PHF21A: variants seen among roughly 807,000 people sequenced by gnomAD.
The protein encoded by PHF21A is PHD finger protein 21A, also known as BHC80a.
A neutral mutation model predicts 82.5 loss-of-function variants in PHF21A; 11 were observed. The ratio of observed to expected loss-of-function variants is 0.13; its 90% CI spans 0.08 to 0.22. The LOEUF (loss-of-function observed/expected upper bound fraction) is 0.22, where lower values mean the gene tolerates loss of function less well. Among genes scored for constraint, PHF21A ranks in the 10% least tolerant of loss-of-function variants. PHF21A has a pLI of 1.00. For synonymous variants in PHF21A, 297 were observed against 302.8 expected (o/e 0.98, Z 0.20); for missense variants, 579 against 837.8 (o/e 0.69, Z 3.81).
At chr11:46,004,461 G>A (rs1306490466) in intron 6 of PHF21A, among the ~76,000 whole-genome samples, 1 of 152,176 alleles carries the variant, frequency 6.6e-6, no homozygotes, top group Non-Finnish European at 1.5e-5. Context: ...GTAGAGGAGA[G>A]AAGGAAGTCC....
intron 4 of PHF21A, among the ~76,000 whole-genome samples, chr11:46,081,057 G>A (rs140899666): frequency 3.5e-4 from 53 of 152,254 alleles, no homozygotes; most frequent in African/African-American, 1.1e-3. Context: ...TTAAAAAGAC[G>A]AGTGAATAGG....
chr11:46,085,035 C>T (rs1008227479), intron 3 of PHF21A, among the ~76,000 whole-genome samples: 1 of 151,880 alleles, frequency 6.6e-6, no homozygotes, highest in Non-Finnish European at 1.5e-5. Flanking sequence ...CAGGGTTTCT[C>T]GGAGGTTAAC....
intron 6 of PHF21A, among the ~76,000 whole-genome samples, chr11:46,033,523 C>T (rs1361844675): frequency 1.3e-5 from 2 of 152,154 alleles, no homozygotes; most frequent in Non-Finnish European, 2.9e-5. Flanking sequence ...CTCAGCCTCC[C>T]AAAGTGTTGG....
chr11:46,076,377 A>T (rs1278904985), intron 6 of PHF21A, among the ~76,000 whole-genome samples: 8 of 152,206 alleles, frequency 5.3e-5, no homozygotes, highest in Non-Finnish European at 1.0e-4. Context: ...CAGTAAGTTT[A>T]ATGTCAGCTC....
chr11:45,957,327 A>G (rs1215312783), intron 10 of PHF21A, among the ~76,000 whole-genome samples: 1 of 152,216 alleles, frequency 6.6e-6, no homozygotes, highest in African/African-American at 2.4e-5. Flanking sequence ...CAAGAGCAGC[A>G]TGCATATTTT....
intron 7 of PHF21A, 56 bp downstream of exon 7, chr11:45,979,704 C>A (rs2094197345): frequency 6.2e-7 from 1 of 1,611,428 alleles, no homozygotes; most frequent in South Asian, 1.1e-5. Context: ...TTCTATATGA[C>A]CAACAACAAA....
chr11:45,989,661 T>G (rs2094610964), intron 6 of PHF21A, among the ~76,000 whole-genome samples: 1 of 144,364 alleles, frequency 6.9e-6, no homozygotes, highest in Non-Finnish European at 1.5e-5. Context: ...AGAGTGAAAC[T>G]GTCTCAAAAT....
At chr11:45,995,253 A>G (rs371928393) in intron 6 of PHF21A, among the ~76,000 whole-genome samples, 9 of 152,286 alleles carry the variant, frequency 5.9e-5, no homozygotes, top group South Asian at 2.1e-4. Flanking sequence ...TTTGCCACTA[A>G]TCATAGGGGA....
At position 45,935,447 on chromosome 11, in the gene PHF21A, A is replaced by G. The variant is rs190269515; in HGVS notation, c.1788+189T>C. On this transcript the variant is annotated intron_variant, in intron 18 of 18. Coordinates refer to ENST00000676320, the MANE Select transcript of PHF21A (RefSeq NM_001352027.3). ...ACAGAGCTTGGGTAAGGCACCACCT[A>G]CCAACTGGCCGCCTGTACCTGAGGT... 24 of 646,554 alleles carry G rather than the reference A, an allele frequency of 3.7e-5. No homozygotes were observed. In the East Asian group the frequency reaches 5.8e-4, roughly 16 times the overall value. 40.1% of individuals were successfully genotyped at this position (646,554 alleles called of 1,614,324 possible).
rs984437041 is a variant in PHF21A at position 45,931,120 on chromosome 11, G to A, written c.*2848C>T. 1 of 152,296 alleles carries A rather than the reference G, an allele frequency of 6.6e-6. No individual in the cohort carries two copies. Among genetic ancestry groups the A allele is most frequent in the African/African-American group, 2.4e-5 (1 of 41,448 alleles). 9.4% of individuals were successfully genotyped at this position (152,296 alleles called of 1,614,324 possible). A position where few individuals can be genotyped will look rare whatever the true frequency, so the allele number is the denominator to read the frequency against. ...AATCCACAGCCCAGCTGCAGGCGAG[G>A]TCAGAATGTACCCGACACTGCTGAG... On this transcript the variant is annotated 3_prime_UTR_variant, in exon 19 of 19. Coordinates refer to ENST00000676320, the MANE Select transcript of PHF21A (RefSeq NM_001352027.3).
chr11:46,045,253 G>A (rs1295735447), intron 6 of PHF21A, among the ~76,000 whole-genome samples: 1 of 152,044 alleles, frequency 6.6e-6, no homozygotes, highest in Non-Finnish European at 1.5e-5. Flanking sequence ...TACTGCCCTG[G>A]TCTACCATGT....
At chr11:46,077,725 G>A (rs184354468) in intron 5 of PHF21A, among the ~76,000 whole-genome samples, 33 of 152,312 alleles carry the variant, frequency 2.2e-4, no homozygotes, top group African/African-American at 7.9e-4. Context: ...TGTCCAACAA[G>A]TTACTGTCCT....
At chr11:45,966,652 G>A (rs764739930) in intron 9 of PHF21A, among the ~76,000 whole-genome samples, 3 of 151,970 alleles carry the variant, frequency 2.0e-5, no homozygotes, top group African/African-American at 4.8e-5. Flanking sequence ...ATGGAGTCTC[G>A]CTCTGTTGCC....
At chr11:46,115,055 T>G (rs1013069052) in intron 1 of PHF21A, among the ~76,000 whole-genome samples, 3 of 152,348 alleles carry the variant, frequency 2.0e-5, no homozygotes, top group Admixed American at 2.0e-4. Context: ...TGTAACTGAT[T>G]CCAAAGTATA....
At chr11:45,979,614 G>T in intron 7 of PHF21A, 146 bp downstream of exon 7, 1 of 1,094,612 alleles carries the variant, frequency 9.1e-7, no homozygotes, top group Non-Finnish European at 1.3e-6. Context: ...ATACTTATCT[G>T]GGTTATACTG....
chr11:45,967,213 C>T (rs1051875874), intron 9 of PHF21A, among the ~76,000 whole-genome samples: 1 of 151,888 alleles, frequency 6.6e-6, no homozygotes, highest in African/African-American at 2.4e-5. Flanking sequence ...ACTAAAAATA[C>T]GAACATTAGC....
intron 6 of PHF21A, among the ~76,000 whole-genome samples, chr11:45,992,305 G>A (rs1231279724): frequency 6.6e-6 from 1 of 151,910 alleles, no homozygotes; most frequent in Non-Finnish European, 1.5e-5. Context: ...GGCTGAGGCG[G>A]GCAGATCATG....
At chr11:45,981,040 A>C (rs2094254593) in intron 6 of PHF21A, among the ~76,000 whole-genome samples, 1 of 152,152 alleles carries the variant, frequency 6.6e-6, no homozygotes, top group South Asian at 2.1e-4. Context: ...ACAGCATGTA[A>C]GCCCCATGAG....
intron 6 of PHF21A, among the ~76,000 whole-genome samples, chr11:46,053,114 A>G (rs929766195): frequency 6.6e-6 from 1 of 152,206 alleles, no homozygotes; most frequent in Non-Finnish European, 1.5e-5. Context: ...TACATTTTCA[A>G]TTCAAAATTT....
Sources: gnomAD v4.1 joint callset for allele counts (sites outside exome capture counted in the v4.1 genomes callset) on GRCh38, gnomAD v4.1.1 for gene constraint, MANE v1.5 for transcripts, NCBI Gene and HGNC (gene_info 2026-07-23, HGNC 2026-07-21) for gene names.